DAB1: variants seen among roughly 807,000 people sequenced by gnomAD.
DAB1 encodes the protein DAB adaptor protein 1.
A neutral mutation model predicts 64.6 loss-of-function variants in DAB1; 15 were observed. The ratio of observed to expected loss-of-function variants is 0.23; its 90% CI spans 0.16 to 0.36. The LOEUF (loss-of-function observed/expected upper bound fraction) is 0.36, where lower values mean the gene tolerates loss of function less well. Among genes scored for constraint, DAB1 ranks in the 10% least tolerant of loss-of-function variants. DAB1 has a pLI of 1.00. For synonymous variants in DAB1, 235 were observed against 251.9 expected (o/e 0.93, Z 0.64); for missense variants, 596 against 706.7 (o/e 0.84, Z 1.78).
At chr1:57,055,782 A>ATT (rs113609254) in intron 9 of DAB1, among the ~76,000 whole-genome samples, 8,132 of 151,120 alleles carry the variant, frequency 0.054, 263 homozygotes, top group African/African-American at 0.094. Context: ...TCATGCATAC[A>ATT]TTTTTTTTTC....
At chr1:57,720,900 A>T (rs1435878844) in intron 6 of DAB1, among the ~76,000 whole-genome samples, 2 of 152,104 alleles carry the variant, frequency 1.3e-5, no homozygotes, top group African/African-American at 4.8e-5. Context: ...TTTGAAACAC[A>T]CCTTGTATCA....
At chr1:57,763,534 C>T (rs114985779) in intron 6 of DAB1, among the ~76,000 whole-genome samples, 3,671 of 152,156 alleles carry the variant, frequency 0.024, 54 homozygotes, top group Admixed American at 0.041. Flanking sequence ...AAAAAATTAG[C>T]TGGGTGTGGT....
At chr1:58,236,106 C>T (rs1385379646) in intron 4 of DAB1, among the ~76,000 whole-genome samples, 2 of 148,666 alleles carry the variant, frequency 1.3e-5, no homozygotes, top group East Asian at 4.0e-4. Context: ...TGCCCGCCCC[C>T]CCGCCCCACC....
chr1:57,671,732 A>G (rs1030997116), intron 6 of DAB1, among the ~76,000 whole-genome samples: 1 of 152,006 alleles, frequency 6.6e-6, no homozygotes, highest in East Asian at 1.9e-4. Flanking sequence ...ACTCACTTGT[A>G]CACTAATTTC....
chr1:58,471,146 G>A (rs1021844879), intron 3 of DAB1, among the ~76,000 whole-genome samples: 1 of 152,180 alleles, frequency 6.6e-6, no homozygotes, highest in Non-Finnish European at 1.5e-5. Flanking sequence ...TTTTGAGGCA[G>A]ACAGTGCCAG....
At chr1:58,503,903 CG>C (rs1197334141) in intron 3 of DAB1, among the ~76,000 whole-genome samples, 2 of 152,178 alleles carry the variant, frequency 1.3e-5, no homozygotes, top group Non-Finnish European at 2.9e-5. Flanking sequence ...ACAAAAGGCA[CG>C]AAGTATGCCT....
At chr1:57,640,877 T>C (rs1325839526) in intron 7 of DAB1, among the ~76,000 whole-genome samples, 1 of 152,104 alleles carries the variant, frequency 6.6e-6, no homozygotes, top group Non-Finnish European at 1.5e-5. Flanking sequence ...CTCAGGAAAG[T>C]CTTTTTATTT....
intron 4 of DAB1, among the ~76,000 whole-genome samples, chr1:58,151,920 C>T (rs758604123): frequency 6.6e-6 from 1 of 152,074 alleles, no homozygotes; most frequent in African/African-American, 2.4e-5. Flanking sequence ...ACTTCTTGAG[C>T]CAGGTTCTGA....
At chr1:58,261,218 G>T (rs1191036860) in intron 4 of DAB1, among the ~76,000 whole-genome samples, 4 of 152,030 alleles carry the variant, frequency 2.6e-5, no homozygotes, top group African/African-American at 9.7e-5. Flanking sequence ...CAAATAAATA[G>T]CATTTTTCCC....
intron 3 of DAB1, among the ~76,000 whole-genome samples, chr1:58,473,360 G>A (rs1468263805): frequency 6.6e-5 from 10 of 151,498 alleles, no homozygotes; most frequent in Non-Finnish European, 1.5e-4. Context: ...GGCTAACAAG[G>A]TGAAACCCCG....
At chr1:57,327,039 A>G (rs1676220274) in intron 1 of DAB1, among the ~76,000 whole-genome samples, 1 of 152,122 alleles carries the variant, frequency 6.6e-6, no homozygotes, top group Non-Finnish European at 1.5e-5. Flanking sequence ...CCCAGGCTCA[A>G]GTGATTCTCT....
At chr1:57,428,749 T>C (rs1200555964), upstream of DAB1, among the ~76,000 whole-genome samples, 1 of 149,358 alleles carries the variant, frequency 6.7e-6, no homozygotes, top group Non-Finnish European at 1.5e-5. Context: ...TTCTGTTCCA[T>C]AATGGCTATA....
intron 6 of DAB1, among the ~76,000 whole-genome samples, chr1:57,763,591 A>G (rs72664649): frequency 0.049 from 7,403 of 152,222 alleles, 260 homozygotes; most frequent in South Asian, 0.077. Context: ...AGGTAGGAGG[A>G]TTGCTTGAGC....
At chr1:57,668,264 T>C (rs955340505) in intron 6 of DAB1, among the ~76,000 whole-genome samples, 2 of 152,118 alleles carry the variant, frequency 1.3e-5, no homozygotes, top group Non-Finnish European at 2.9e-5. Flanking sequence ...CTAAAAAATT[T>C]AAGATTACAT....
intron 7 of DAB1, among the ~76,000 whole-genome samples, chr1:57,614,320 A>C (rs886330455): frequency 1.3e-5 from 2 of 152,242 alleles, no homozygotes; most frequent in Non-Finnish European, 2.9e-5. Context: ...CTATGAACAG[A>C]ACCTGGCCTA....
chr1:57,769,918 T>A lies in DAB1; in HGVS notation n.551+114081A>T, dbSNP rs138467383. On this transcript the variant is annotated intron_variant and non_coding_transcript_variant, in intron 6 of 20. Coordinates refer to the DAB1 transcript ENST00000485760. ...TTTGCTCCTCTGTGATAGCCCTTCCTCCTGTATACTTGTCTGTGCCCTGTC... is the reference window on the plus strand; with the variant it reads ...TTTGCTCCTCTGTGATAGCCCTTCCACCTGTATACTTGTCTGTGCCCTGTC... Among the ~76,000 whole-genome samples the A allele has an allele frequency of 2.2e-3, 331 of 152,228 alleles. 2 individuals carry two copies. Among genetic ancestry groups the A allele is most frequent in the African/African-American group, 7.7e-3 (321 of 41,546 alleles).
chr1:57,686,141 G>C (rs982524845), intron 6 of DAB1, among the ~76,000 whole-genome samples: 1 of 152,074 alleles, frequency 6.6e-6, no homozygotes, highest in Admixed American at 6.6e-5. Context: ...GAATAAACAA[G>C]ATTGCTAGAG....
intron 4 of DAB1, among the ~76,000 whole-genome samples, chr1:58,154,452 C>CTTCA (rs143773624): frequency 0.047 from 7,127 of 151,154 alleles, 399 homozygotes; most frequent in African/African-American, 0.14. Context: ...TCATGCAGTT[C>CTTCA]TTCATTCATT....
intron 9 of DAB1, among the ~76,000 whole-genome samples, chr1:57,053,982 C>T (rs1003000241): frequency 6.6e-5 from 10 of 151,958 alleles, no homozygotes; most frequent in Admixed American, 1.3e-4. Context: ...CCACCGCGCC[C>T]GGCCTAAGAA....
Sources: gnomAD v4.1 joint callset for allele counts (sites outside exome capture counted in the v4.1 genomes callset) on GRCh38, gnomAD v4.1.1 for gene constraint, MANE v1.5 for transcripts, NCBI Gene and HGNC (gene_info 2026-07-23, HGNC 2026-07-21) for gene names.